TFEB: variants seen among roughly 807,000 people sequenced by gnomAD.
The protein encoded by TFEB is transcription factor EB, also known as T-cell transcription factor EB.
In TFEB, 12 loss-of-function variants were observed where a neutral mutation model predicts 48.0. That is an observed-to-expected ratio of 0.25 (90% CI 0.16 to 0.40). The LOEUF (loss-of-function observed/expected upper bound fraction) is 0.40. Among genes scored for constraint, TFEB ranks in the 10% least tolerant of loss-of-function variants. The pLI is 1.00. For synonymous variants in TFEB, 244 were observed against 261.4 expected (o/e 0.93, Z 0.64); for missense variants, 509 against 640.3 (o/e 0.79, Z 2.21).
intron 1 of TFEB, among the ~76,000 whole-genome samples, chr6:41,692,032 G>T (rs1189142003): frequency 6.6e-6 from 1 of 151,932 alleles, no homozygotes; most frequent in East Asian, 1.9e-4. Flanking sequence ...CTCCTCCAAG[G>T]CTCAAATGTT....
rs1561871763 is a variant in TFEB at position 41,723,555 on chromosome 6, C to T, written c.-23+11795G>A. On this transcript the variant is annotated intron_variant, in intron 1 of 8. Coordinates refer to ENST00000373033, the MANE Select transcript of TFEB (RefSeq NM_001271944.2). This position sits in a 1 kb window ranked among gnomAD's most constrained non-coding sequence, Gnocchi z 6.0. ...GCCGCACCCCAGCCCCAGGGCCGGG[C>T]TCAGTTTCCTCATTTCCCCGGCGGC... is the stretch of plus-strand genomic sequence containing the variant. 1.6e-6 allele frequency: 2 copies of T among 1,263,748 alleles called. No individual in the cohort carries two copies. Among genetic ancestry groups the T allele is most frequent in the East Asian group, 5.6e-5 (1 of 17,732 alleles). 78.3% of individuals were successfully genotyped at this position (1,263,748 alleles called of 1,614,324 possible). A position where few individuals can be genotyped will look rare whatever the true frequency, so the allele number is the denominator to read the frequency against.
intron 1 of TFEB, among the ~76,000 whole-genome samples, chr6:41,707,478 C>G (rs753407783): frequency 1.3e-5 from 2 of 152,182 alleles, no homozygotes; most frequent in Non-Finnish European, 2.9e-5. Context: ...GCCTGTGGCC[C>G]AGGACCACGT....
In TFEB at chr6:41,728,644, G is replaced by A. The variant is rs562450496; in HGVS notation, c.-23+6706C>T. Among the ~76,000 whole-genome samples the A allele has an allele frequency of 7.9e-5, 12 of 152,214 alleles. No homozygotes were observed. In the South Asian group the frequency reaches 2.1e-3, roughly 26 times the overall value. ...CTTGGCAAACAGGAGAAAACAAACC[G>A]GAGCCCCACCCCACAGACCCACTGG... On this transcript the variant is annotated intron_variant, in intron 1 of 8. Coordinates refer to ENST00000373033, the MANE Select transcript of TFEB (RefSeq NM_001271944.2).
rs370447650 is a variant in TFEB at position 41,712,350 on chromosome 6, G to A, written c.-22-21115C>T. ...CCCAAAGTGGGGCTGTGGAAAGAGG[G>A]CACCGTGCCTTTTCCTGAGTCCTGG... On this transcript the variant is annotated intron_variant, in intron 1 of 8. Transcript: ENST00000373033. Among the ~76,000 whole-genome samples, 5 of 152,264 alleles carry A rather than the reference G, an allele frequency of 3.3e-5. No individual in the cohort carries two copies. In the East Asian group the frequency reaches 7.7e-4, roughly 24 times the overall value.
intron 1 of TFEB, among the ~76,000 whole-genome samples, chr6:41,728,980 A>G (rs1771334655): frequency 2.0e-5 from 3 of 152,008 alleles, no homozygotes; most frequent in South Asian, 4.1e-4. Flanking sequence ...GCCACTATAT[A>G]TGAGGCTCTC....
rs899381022 is a variant in TFEB at position 41,684,373 on chromosome 6, G to A, written c.*226C>T. On this transcript the variant is annotated 3_prime_UTR_variant, in exon 9 of 9. Coordinates refer to ENST00000373033, the MANE Select transcript of TFEB (RefSeq NM_001271944.2). The stretch of plus-strand genomic sequence containing the variant: ...TTCCATCTCCGGGAGAGGGGCTGAA[G>A]GCCTCTTCCCACTGCGCCAGTCAAG... 1.0e-4 allele frequency: 45 copies of A among 438,426 alleles called. No individual in the cohort carries two copies. The highest frequency in any genetic ancestry group is 4.4e-4 in the Admixed American group (10 of 22,884). 27.2% of individuals were successfully genotyped at this position (438,426 alleles called of 1,614,324 possible).
At chr6:41,729,694 G>A (rs961465678) in intron 1 of TFEB, among the ~76,000 whole-genome samples, 9 of 152,226 alleles carry the variant, frequency 5.9e-5, no homozygotes, top group Admixed American at 3.3e-4. Flanking sequence ...ACCAAGAGCT[G>A]CAAGGCCGAA....
chr6:41,689,685 C>T (rs200548306), intron 4 of TFEB, 46 bp downstream of exon 4: 12 of 1,505,562 alleles, frequency 8.0e-6, no homozygotes, highest in East Asian at 6.8e-5. Context: ...TGGGTGCCCC[C>T]CTCCCTAGAA....
chr6:41,690,763 G>C lies in TFEB; in HGVS notation c.368C>G (p.Pro123Arg). The C allele has an allele frequency of 6.2e-7, 1 of 1,610,578 alleles. No individual in the cohort carries two copies. The highest frequency in any genetic ancestry group is 8.5e-7 in the Non-Finnish European group (1 of 1,178,040). ...GSPKPPPAASPGVRAGHVLSS... is the reference protein window; with the variant it reads ...GSPKPPPAASRGVRAGHVLSS... ...CAGCACGTGTCCAGCTCGCACCCCT[G>C]GGGAGGCGGCTGGTGGGGGTTTCGG... The change falls in exon 3 of 9, where the codon CCA (proline) becomes CGA (arginine). Residue 123 changes from proline (P) to arginine (R), a missense_variant. This residue lies in a region of TFEB where 251 missense variants were observed against 317.2 expected (regional missense o/e 0.79). Transcript: ENST00000373033.
At chr6:41,733,137 GCC>G (rs1488542539) in intron 1 of TFEB, 1 of 793,996 alleles carries the variant, frequency 1.3e-6, no homozygotes, top group African/African-American at 1.9e-5. Context: ...TCAAAGGGCA[GCC>G]AGACTTGAGG....
intron 1 of TFEB, among the ~76,000 whole-genome samples, chr6:41,711,518 T>C (rs1390306514): frequency 6.6e-6 from 1 of 152,172 alleles, no homozygotes; most frequent in Non-Finnish European, 1.5e-5. Context: ...CTCTCTTCCC[T>C]GCCTGTCCCC....
intron 1 of TFEB, among the ~76,000 whole-genome samples, chr6:41,694,588 C>A (rs1166286662): frequency 3.9e-5 from 6 of 151,972 alleles, no homozygotes; most frequent in African/African-American, 7.3e-5. Flanking sequence ...ACATGCTAAT[C>A]CCCCCATCCT....
chr6:41,723,343 A>C lies in TFEB; in HGVS notation c.-23+12007T>G. On this transcript the variant is annotated intron_variant, in intron 1 of 8. Transcript: ENST00000373033. This position sits in a 1 kb window ranked among gnomAD's most constrained non-coding sequence, Gnocchi z 6.0. ...ACCCACCCACCTCCCCAAAGACACCACACGCATGCACATACACTCACACAG... is the reference window on the plus strand; with the variant it reads ...ACCCACCCACCTCCCCAAAGACACCCCACGCATGCACATACACTCACACAG... 1.7e-6 allele frequency: 1 copy of C among 587,584 alleles called. No homozygotes were observed. The highest frequency in any genetic ancestry group is 2.8e-6 in the Non-Finnish European group (1 of 358,880). The allele number at this position is 587,584 out of a possible 1,614,324, so 36.4% of individuals were successfully genotyped here.
chr6:41,731,588 T>A (rs1224135109), intron 1 of TFEB, among the ~76,000 whole-genome samples: 1 of 151,842 alleles, frequency 6.6e-6, no homozygotes, highest in Non-Finnish European at 1.5e-5. Flanking sequence ...TTCACAGATA[T>A]GGAAACTGAG....
At chr6:41,689,094 A>C (rs1451108210) in intron 4 of TFEB, among the ~76,000 whole-genome samples, 1 of 152,178 alleles carries the variant, frequency 6.6e-6, no homozygotes, top group Non-Finnish European at 1.5e-5. Context: ...CCCATTTTGC[A>C]GCTGAGAAAA....
intron 1 of TFEB, among the ~76,000 whole-genome samples, chr6:41,712,568 T>A (rs1770530429): frequency 6.6e-6 from 1 of 152,206 alleles, no homozygotes; most frequent in African/African-American, 2.4e-5. Flanking sequence ...CAAAAGGTCC[T>A]GGTACCCCAC....
chr6:41,723,322 A>G lies in TFEB; in HGVS notation c.-23+12028T>C. 2.3e-6 allele frequency: 1 copy of G among 437,784 alleles called. No individual in the cohort carries two copies. Among genetic ancestry groups the G allele is most frequent in the Non-Finnish European group, 4.2e-6 (1 of 239,824 alleles). 27.1% of individuals were successfully genotyped at this position (437,784 alleles called of 1,614,324 possible). ...AGCCTGAGGGGCCTCATCCCTACCCACCCACCTCCCCAAAGACACCACACG... is the reference window on the plus strand; with the variant it reads ...AGCCTGAGGGGCCTCATCCCTACCCGCCCACCTCCCCAAAGACACCACACG... On this transcript the variant is annotated intron_variant, in intron 1 of 8. Coordinates refer to ENST00000373033, the MANE Select transcript of TFEB (RefSeq NM_001271944.2). The surrounding 1 kb of genome is among the most constrained non-coding windows in gnomAD (Gnocchi z 6.0).
At position 41,730,903 on chromosome 6, in the gene TFEB, G is replaced by A. The variant is rs962600076; in HGVS notation, c.-23+4447C>T. Among the ~76,000 whole-genome samples, 2 of 152,296 alleles carry A rather than the reference G, an allele frequency of 1.3e-5. No homozygotes were observed. The highest frequency in any genetic ancestry group is 1.9e-4 in the East Asian group (1 of 5,174). On this transcript the variant is annotated intron_variant, in intron 1 of 8. Coordinates refer to ENST00000373033, the MANE Select transcript of TFEB (RefSeq NM_001271944.2). The surrounding 1 kb of genome is among the most constrained non-coding windows in gnomAD (Gnocchi z 4.1). ...CAGGCATTGCCAAGCCCCCTGCACC[G>A]TCTTATTCAACAAGGAGAGGAGGCT... is the stretch of plus-strand genomic sequence containing the variant.
At chr6:41,704,062 A>G (rs1770077713) in intron 1 of TFEB, among the ~76,000 whole-genome samples, 1 of 152,098 alleles carries the variant, frequency 6.6e-6, no homozygotes, top group African/African-American at 2.4e-5. Context: ...AGGTGGGTGC[A>G]GGACACCAGC....
Sources: allele counts gnomAD v4.1 joint callset (sites outside exome capture counted in the v4.1 genomes callset), GRCh38; gene constraint gnomAD v4.1.1; regional missense constraint gnomAD v4.1.1; non-coding constraint Gnocchi (gnomAD v3.1); transcripts MANE v1.5; gene names NCBI Gene and HGNC (gene_info 2026-07-23, HGNC 2026-07-21).